The following NPAS3 variants were observed in gnomAD, a reference collection of about 807,000 sequenced individuals.
NPAS3 encodes the protein neuronal PAS domain protein 3.
In NPAS3, 14 loss-of-function variants were observed where a neutral mutation model predicts 73.1. The observed-to-expected ratio is 0.19, with a 90% CI of 0.13 to 0.30. The LOEUF (loss-of-function observed/expected upper bound fraction) is 0.30. Among genes scored for constraint, NPAS3 ranks in the 10% least tolerant of loss-of-function variants. The pLI is 1.00. For missense variants in NPAS3, 1,096 were observed against 1,250.0 expected, an observed-to-expected ratio of 0.88 and a Z score of 1.86; for synonymous variants, 620 against 541.5, an observed-to-expected ratio of 1.14 and a Z score of -2.01.
At chr14:33,798,250 G>C (rs1566553511) in intron 11 of NPAS3, among the ~76,000 whole-genome samples, 1 of 152,112 alleles carries the variant, frequency 6.6e-6, no homozygotes, top group Non-Finnish European at 1.5e-5. Context: ...TTTCCTTTGG[G>C]GAAGCGGACT....
At chr14:33,043,752 T>C (rs868337818) in intron 1 of NPAS3, among the ~76,000 whole-genome samples, 1 of 151,952 alleles carries the variant, frequency 6.6e-6, no homozygotes, top group South Asian at 2.1e-4. Flanking sequence ...AAGGCCCAAT[T>C]CCAGTTAATA....
downstream of NPAS3, chr14:33,802,337 C>G (rs1341803345): frequency 8.0e-6 from 1 of 125,718 alleles, no homozygotes; most frequent in Non-Finnish European, 1.6e-5. Context: ...GGTTAATAAG[C>G]TTCAGACAGA....
intron 7 of NPAS3, among the ~76,000 whole-genome samples, chr14:33,736,618 T>G (rs17101803): frequency 0.033 from 5,096 of 152,292 alleles, 306 homozygotes; most frequent in African/African-American, 0.12. Flanking sequence ...TTTGGAGTTC[T>G]ATAAGCAGAC....
intron 5 of NPAS3, among the ~76,000 whole-genome samples, chr14:33,597,219 A>G (rs1364549963): frequency 1.3e-5 from 2 of 152,148 alleles, no homozygotes; most frequent in African/African-American, 2.4e-5. Context: ...GCACTTTATC[A>G]GCTGTGAGCT....
At chr14:33,670,098 G>GTGAT (rs2059569889) in intron 5 of NPAS3, among the ~76,000 whole-genome samples, 2 of 152,210 alleles carry the variant, frequency 1.3e-5, no homozygotes, top group South Asian at 4.1e-4. Context: ...CACTCCCGGA[G>GTGAT]TGATAGAAAA....
At chr14:33,743,965 A>T (rs182363519) in intron 7 of NPAS3, among the ~76,000 whole-genome samples, 1 of 152,288 alleles carries the variant, frequency 6.6e-6, no homozygotes, top group African/African-American at 2.4e-5. Flanking sequence ...CTTGCTCTGG[A>T]TTAGGCTTTG....
intron 6 of NPAS3, among the ~76,000 whole-genome samples, chr14:33,704,509 C>A (rs2060606317): frequency 6.6e-6 from 1 of 152,126 alleles, no homozygotes; most frequent in African/African-American, 2.4e-5. Flanking sequence ...AAAAGTAGTT[C>A]ATGCATAAAG....
At chr14:33,609,345 A>T (rs1420272376) in intron 5 of NPAS3, among the ~76,000 whole-genome samples, 1 of 152,226 alleles carries the variant, frequency 6.6e-6, no homozygotes, top group Non-Finnish European at 1.5e-5. Context: ...AATTCATCGT[A>T]TGAGAGACCA....
At chr14:33,164,620 T>C (rs1229410796) in intron 2 of NPAS3, among the ~76,000 whole-genome samples, 1 of 152,204 alleles carries the variant, frequency 6.6e-6, no homozygotes, top group Non-Finnish European at 1.5e-5. Flanking sequence ...ATTGAATAGT[T>C]GCCACATACC....
At chr14:32,941,121 T>TA (rs2035974453) in intron 1 of NPAS3, among the ~76,000 whole-genome samples, 1 of 152,108 alleles carries the variant, frequency 6.6e-6, no homozygotes, top group African/African-American at 2.4e-5. Context: ...GCAAGGATTT[T>TA]AAAAATTATT....
At chr14:33,044,072 A>G (rs2040426938) in intron 1 of NPAS3, among the ~76,000 whole-genome samples, 1 of 152,216 alleles carries the variant, frequency 6.6e-6, no homozygotes, top group Admixed American at 6.5e-5. Context: ...TATCACTTGC[A>G]TTCATGCCAG....
intron 3 of NPAS3, among the ~76,000 whole-genome samples, chr14:33,314,266 TTTG>T (rs1311526900): frequency 2.0e-5 from 3 of 152,126 alleles, no homozygotes; most frequent in African/African-American, 4.8e-5. Flanking sequence ...TCTTCCAGAA[TTTG>T]TTAATTACTA....
At chr14:33,060,056 C>T (rs370945903) in intron 2 of NPAS3, among the ~76,000 whole-genome samples, 6 of 152,204 alleles carry the variant, frequency 3.9e-5, no homozygotes, top group African/African-American at 1.2e-4. Flanking sequence ...GTACTGGATT[C>T]CTGGCCTGAA....
At chr14:33,736,395 G>C (rs951897611) in intron 7 of NPAS3, among the ~76,000 whole-genome samples, 1 of 152,180 alleles carries the variant, frequency 6.6e-6, no homozygotes, top group Non-Finnish European at 1.5e-5. Flanking sequence ...AGCTGTCCTG[G>C]AGTCTAAAAG....
At chr14:33,799,069 G>A (rs1212039672) in intron 11 of NPAS3, among the ~76,000 whole-genome samples, 6 of 151,892 alleles carry the variant, frequency 4.0e-5, no homozygotes, top group East Asian at 1.9e-4. Context: ...CGTTTGAGCC[G>A]GGGAGGGCAA....
chr14:33,317,563 G>A (rs1435017063), intron 3 of NPAS3, among the ~76,000 whole-genome samples: 1 of 152,062 alleles, frequency 6.6e-6, no homozygotes, highest in Non-Finnish European at 1.5e-5. Flanking sequence ...AATTGTGGAG[G>A]TGGTTACTTC....
chr14:32,982,587 C>T (rs73264686), intron 1 of NPAS3, among the ~76,000 whole-genome samples: 263 of 152,240 alleles, frequency 1.7e-3, no homozygotes, highest in African/African-American at 6.3e-3. Context: ...ACTTAAATGA[C>T]TGACCTTTTA....
chr14:33,789,658 G>T (rs1043029664), intron 9 of NPAS3, among the ~76,000 whole-genome samples: 3 of 140,850 alleles, frequency 2.1e-5, no homozygotes, highest in East Asian at 4.1e-4. Flanking sequence ...GCGGGATCTC[G>T]GCTCACTGCA....
intron 3 of NPAS3, among the ~76,000 whole-genome samples, chr14:33,256,251 A>G (rs2048776592): frequency 6.6e-6 from 1 of 152,228 alleles, no homozygotes; most frequent in Non-Finnish European, 1.5e-5. Context: ...AACAACAAAA[A>G]CAATAAAACC....
Sources: allele counts gnomAD v4.1 joint callset (sites outside exome capture counted in the v4.1 genomes callset), GRCh38; gene constraint gnomAD v4.1.1; transcripts MANE v1.5; gene names NCBI Gene and HGNC (gene_info 2026-07-23, HGNC 2026-07-21).